CAST: variants seen among roughly 807,000 people sequenced by gnomAD.
CAST encodes MIR583 host.
CAST carries 76 observed loss-of-function variants against 119.6 expected under a neutral mutation model. The observed-to-expected ratio is 0.64, with a 90% confidence interval of 0.53 to 0.77. The LOEUF is 0.77. Among genes scored for constraint, CAST ranks in the 30% least tolerant of loss-of-function variants. The pLI, the probability that CAST is intolerant of heterozygous loss-of-function variation, is 0.00. For missense variants in CAST, 953 were observed against 946.5 expected (o/e 1.01, Z -0.09); for synonymous variants, 319 against 331.6 (o/e 0.96, Z 0.41).
chr5:96,518,959 G>A, the CAST span, among the ~76,000 whole-genome samples: 1 of 152,216 alleles, frequency 6.6e-6, no homozygotes, highest in Non-Finnish European at 1.5e-5. Flanking sequence ...GGGAGGCAGA[G>A]GCTGAGGCAG....
intron 16 of CAST, chr5:96,743,548 C>G (rs776448207): frequency 3.2e-6 from 5 of 1,546,860 alleles, no homozygotes; most frequent in Non-Finnish European, 4.3e-6. Flanking sequence ...CTGTCACTTC[C>G]TGTTCTGAGT....
At chr5:96,050,887 C>T in the CAST span, among the ~76,000 whole-genome samples, 1 of 151,850 alleles carries the variant, frequency 6.6e-6, no homozygotes, top group Non-Finnish European at 1.5e-5. Flanking sequence ...CTCCTGAACC[C>T]CCAGAATTTA....
chr5:96,008,899 T>A, the CAST span, among the ~76,000 whole-genome samples: 2 of 152,270 alleles, frequency 1.3e-5, no homozygotes, highest in Non-Finnish European at 2.9e-5. Context: ...GATGCTGAGG[T>A]TTGGAGTATG....
At chr5:96,319,064 T>C in the CAST span, 1 of 152,370 alleles carries the variant, frequency 6.6e-6, no homozygotes, top group Non-Finnish European at 1.5e-5. Flanking sequence ...AGCATCTGTT[T>C]GACTTCTTAT....
chr5:96,229,580 A>G, the CAST span, among the ~76,000 whole-genome samples: 2 of 152,142 alleles, frequency 1.3e-5, no homozygotes, highest in African/African-American at 4.8e-5. Flanking sequence ...TTGTAGAACA[A>G]TCTTTTTTAA....
intron 3 of CAST, among the ~76,000 whole-genome samples, chr5:96,711,112 C>A (rs1415287456): frequency 2.0e-5 from 3 of 152,088 alleles, no homozygotes; most frequent in African/African-American, 7.2e-5. Context: ...TCACAGGTTT[C>A]CAAAGATTAA....
At chr5:96,511,336 G>A in the CAST span, among the ~76,000 whole-genome samples, 2 of 152,028 alleles carry the variant, frequency 1.3e-5, no homozygotes, top group African/African-American at 2.4e-5. Context: ...GTAGAGACGG[G>A]TTTCATCATG....
At chr5:96,290,619 G>T in the CAST span, among the ~76,000 whole-genome samples, 1 of 152,312 alleles carries the variant, frequency 6.6e-6, no homozygotes, top group African/African-American at 2.4e-5. Flanking sequence ...AATGCATTCA[G>T]AGTGAAGCTC....
At chr5:96,762,852 A>G (rs1768476804) in intron 25 of CAST, 1 of 362,306 alleles carries the variant, frequency 2.8e-6, no homozygotes, top group East Asian at 5.6e-5. Context: ...TTCCCAATTC[A>G]CACCAGTAAA....
At chr5:96,320,655 A>G in the CAST span, among the ~76,000 whole-genome samples, 1 of 152,210 alleles carries the variant, frequency 6.6e-6, no homozygotes, top group African/African-American at 2.4e-5. Flanking sequence ...GCTAAATTCA[A>G]GATTGAATAA....
chr5:96,643,699 C>T (rs765188535), intron 1 of CAST, among the ~76,000 whole-genome samples: 1 of 152,108 alleles, frequency 6.6e-6, no homozygotes, highest in Non-Finnish European at 1.5e-5. Flanking sequence ...ATGGTGAAAC[C>T]TTGTCTCTAC....
At chr5:96,108,012 G>A in the CAST span, among the ~76,000 whole-genome samples, 24 of 151,390 alleles carry the variant, frequency 1.6e-4, no homozygotes, top group Admixed American at 3.3e-4. Flanking sequence ...CCAGTTGATC[G>A]CATCGGCTCC....
the CAST span, among the ~76,000 whole-genome samples, chr5:96,038,071 A>G: frequency 1.3e-5 from 2 of 152,160 alleles, no homozygotes; most frequent in Non-Finnish European, 2.9e-5. Context: ...AAGACTTTCT[A>G]TGACCTAGCT....
At position 96,741,583 on chromosome 5, in the gene CAST, A is replaced by G. The variant is rs1762681866; in HGVS notation, c.1098+3A>G. 1.2e-6 allele frequency: 2 copies of G among 1,603,504 alleles called. No individual in the cohort carries two copies. The highest frequency in any genetic ancestry group is 1.3e-5 in the African/African-American group (1 of 74,720). ...AGAAGAAAAGAAAGGTGGAGAAGGT[A>G]TAGTCACAGTCTACCTGACAGCAGT... On this transcript the variant is annotated splice_donor_region_variant and intron_variant, in intron 15 of 31. Coordinates refer to ENST00000675179, the MANE Select transcript of CAST (RefSeq NM_001750.7).
chr5:96,524,575 T>A (rs189271232), upstream of CAST, among the ~76,000 whole-genome samples: 4 of 152,246 alleles, frequency 2.6e-5, no homozygotes, highest in Admixed American at 2.6e-4. Context: ...AAGTGGGATA[T>A]TGGCCTTGAA....
intron 1 of CAST, among the ~76,000 whole-genome samples, chr5:96,533,024 CAAA>C (rs5869724): frequency 1.2e-4 from 16 of 129,738 alleles, no homozygotes; most frequent in Non-Finnish European, 2.2e-4. Flanking sequence ...GACCTGGTCT[CAAA>C]AAAAAAAAAA....
At chr5:96,027,210 T>G in the CAST span, among the ~76,000 whole-genome samples, 1 of 152,136 alleles carries the variant, frequency 6.6e-6, no homozygotes, top group South Asian at 2.1e-4. Context: ...AAACAACAAT[T>G]ACCTATGTCT....
At chr5:96,049,889 C>CAAAAAAAAAAAAAAAAAAAAAAAAAAAGA in the CAST span, among the ~76,000 whole-genome samples, 7 of 34,186 alleles carry the variant, frequency 2.0e-4, no homozygotes, top group Non-Finnish European at 2.1e-4. Context: ...GAACAGGAGG[C>CAAAAAAAAAAAAAAAAAAAAAAAAAAAGA]AAAAAAAAAA....
chr5:96,683,495 A>G (rs1347092198), intron 2 of CAST, among the ~76,000 whole-genome samples: 2 of 152,212 alleles, frequency 1.3e-5, no homozygotes, highest in Non-Finnish European at 2.9e-5. Context: ...AGTGAAACCT[A>G]TGAAATGGCT....
Sources: allele counts gnomAD v4.1 joint callset (sites outside exome capture counted in the v4.1 genomes callset), GRCh38; gene constraint gnomAD v4.1.1; transcripts MANE v1.5; gene names NCBI Gene and HGNC (gene_info 2026-07-23, HGNC 2026-07-21).